Variants in LRRIQ1 observed in about 807,000 individuals in gnomAD.
The protein encoded by LRRIQ1 is leucine-rich repeat- and IQ domain-containing protein 1.
LRRIQ1 carries 210 observed loss-of-function variants against 211.9 expected under a neutral mutation model. The observed-to-expected ratio is 0.99, with a 90% confidence interval of 0.89 to 1.11. LRRIQ1 has a LOEUF of 1.11. LRRIQ1 is among the 50% of genes most tolerant of loss of function. LRRIQ1 has a pLI of 0.00. For missense variants in LRRIQ1, 2,136 were observed against 1,939.5 expected (o/e 1.10, Z -1.90); for synonymous variants, 699 against 650.1 (o/e 1.08, Z -1.14).
chr12:85,102,997 G>C (rs1440812759), intron 13 of LRRIQ1, among the ~76,000 whole-genome samples: 1 of 129,988 alleles, frequency 7.7e-6, no homozygotes, highest in African/African-American at 3.2e-5. Context: ...TTTTACTAAG[G>C]AGTTTTTATC....
intron 18 of LRRIQ1, among the ~76,000 whole-genome samples, chr12:85,133,525 G>A (rs999731099): frequency 2.6e-5 from 4 of 152,104 alleles, no homozygotes; most frequent in African/African-American, 9.7e-5. Context: ...AGGTTGCCTT[G>A]GAGAAAGCTA....
At chr12:85,038,813 ATT>A (rs914932628) in intron 2 of LRRIQ1, among the ~76,000 whole-genome samples, 10 of 151,170 alleles carry the variant, frequency 6.6e-5, no homozygotes, top group African/African-American at 2.4e-4. Context: ...TAATAATCTA[ATT>A]TTTCTCAATT....
intron 13 of LRRIQ1, 88 bp downstream of exon 13, chr12:85,099,082 C>T (rs113180357): frequency 2.3e-5 from 19 of 829,624 alleles, no homozygotes; most frequent in Non-Finnish European, 3.2e-5. Context: ...AGTTAGATTT[C>T]TCTAATAATT....
At chr12:85,141,352 C>T (rs1255412856) in intron 19 of LRRIQ1, among the ~76,000 whole-genome samples, 2 of 151,044 alleles carry the variant, frequency 1.3e-5, no homozygotes, top group African/African-American at 4.9e-5. Flanking sequence ...GAGAGGAGTG[C>T]TAAAATCTCT....
At chr12:85,113,354 A>T (rs1887321876) in intron 15 of LRRIQ1, among the ~76,000 whole-genome samples, 1 of 151,916 alleles carries the variant, frequency 6.6e-6, no homozygotes, top group Admixed American at 6.6e-5. Flanking sequence ...TGTCCATTTC[A>T]GGTTTGTGTT....
chr12:85,269,479 A>C, the LRRIQ1 span, among the ~76,000 whole-genome samples: 9 of 152,078 alleles, frequency 5.9e-5, no homozygotes. Context: ...TAAGTGCAAG[A>C]AAACTTGATC....
downstream of LRRIQ1, among the ~76,000 whole-genome samples, chr12:85,268,990 T>C (rs1197000755): frequency 6.6e-6 from 1 of 151,892 alleles, no homozygotes. Context: ...AGCAGGTGTT[T>C]CCAGATTCTA....
At chr12:85,094,705 A>G (rs548258756) in intron 11 of LRRIQ1, among the ~76,000 whole-genome samples, 21 of 152,266 alleles carry the variant, frequency 1.4e-4, no homozygotes, top group Non-Finnish European at 2.9e-4. Context: ...TCCTTTGGGC[A>G]GTATGGCCAT....
At chr12:85,072,855 C>T (rs1342195618) in intron 10 of LRRIQ1, 52 bp from the exon 11 acceptor site, 1 of 1,324,718 alleles carries the variant, frequency 7.5e-7, no homozygotes, top group African/African-American at 1.5e-5. Flanking sequence ...TAACCACTTG[C>T]ATTTATTAAT....
At chr12:85,100,804 G>T (rs566384146) in intron 13 of LRRIQ1, among the ~76,000 whole-genome samples, 1 of 151,798 alleles carries the variant, frequency 6.6e-6, no homozygotes, top group South Asian at 2.1e-4. Context: ...AAATGATTTT[G>T]TAATGTCATA....
At chr12:85,110,592 T>C (rs1887103950) in intron 15 of LRRIQ1, among the ~76,000 whole-genome samples, 1 of 152,160 alleles carries the variant, frequency 6.6e-6, no homozygotes. Flanking sequence ...AAATGATTAT[T>C]GTAGGCAACA....
At chr12:85,101,923 A>G (rs540494570) in intron 13 of LRRIQ1, among the ~76,000 whole-genome samples, 1 of 151,804 alleles carries the variant, frequency 6.6e-6, no homozygotes, top group African/African-American at 2.4e-5. Context: ...GTTACCGTAT[A>G]ACTTACTGGC....
chr12:85,181,861 C>T (rs1038558263), intron 24 of LRRIQ1, among the ~76,000 whole-genome samples: 3 of 151,886 alleles, frequency 2.0e-5, no homozygotes, highest in African/African-American at 4.8e-5. Context: ...CATTAAATTG[C>T]TTGCCTTTTT....
At chr12:85,184,661 G>C (rs908855149) in intron 24 of LRRIQ1, among the ~76,000 whole-genome samples, 1 of 151,906 alleles carries the variant, frequency 6.6e-6, no homozygotes, top group Non-Finnish European at 1.5e-5. Flanking sequence ...ACCCTTACAA[G>C]TGCATTTTGC....
chr12:85,113,078 C>T (rs1355945274), intron 15 of LRRIQ1, among the ~76,000 whole-genome samples: 2 of 152,074 alleles, frequency 1.3e-5, no homozygotes, highest in African/African-American at 4.8e-5. Context: ...ATGGTCAATT[C>T]TCAATCCGGA....
At chr12:85,239,545 G>A (rs1895366045) in intron 26 of LRRIQ1, among the ~76,000 whole-genome samples, 2 of 151,820 alleles carry the variant, frequency 1.3e-5, no homozygotes, top group South Asian at 4.2e-4. Flanking sequence ...TCAAGGGGGG[G>A]AAAGATAACC....
intron 24 of LRRIQ1, among the ~76,000 whole-genome samples, chr12:85,224,175 A>G (rs1387380055): frequency 2.6e-5 from 4 of 152,152 alleles, no homozygotes; most frequent in Admixed American, 2.6e-4. Flanking sequence ...CATTAAAGAA[A>G]TGCAAATCAA....
chr12:85,083,076 G>T (rs1029194838), intron 11 of LRRIQ1, among the ~76,000 whole-genome samples: 7 of 152,262 alleles, frequency 4.6e-5, no homozygotes, highest in Non-Finnish European at 8.8e-5. Context: ...CGGGATAAGA[G>T]ATTTAACTTT....
chr12:85,252,488 T>C (rs1895974536), intron 1 of LRRIQ1, among the ~76,000 whole-genome samples: 1 of 151,922 alleles, frequency 6.6e-6, no homozygotes, highest in African/African-American at 2.4e-5. Context: ...GTGTATGAAG[T>C]TTTTATACAA....
Sources: gnomAD v4.1 joint callset for allele counts (sites outside exome capture counted in the v4.1 genomes callset) on GRCh38, gnomAD v4.1.1 for gene constraint, MANE v1.5 for transcripts, NCBI Gene and HGNC (gene_info 2026-07-23, HGNC 2026-07-21) for gene names.